IRS1: variants seen among roughly 807,000 people sequenced by gnomAD.
The protein encoded by IRS1 is insulin receptor substrate 1.
A neutral mutation model predicts 65.6 loss-of-function variants in IRS1; 34 were observed. The ratio of observed to expected loss-of-function variants is 0.52; its 90% CI spans 0.39 to 0.69. The LOEUF is 0.69. Among genes scored for constraint, IRS1 ranks in the 30% least tolerant of loss-of-function variants. The pLI is 0.00. For missense variants in IRS1, 1,641 were observed against 1,720.2 expected (o/e 0.95, Z 0.81); for synonymous variants, 699 against 683.5 (o/e 1.02, Z -0.35).
At position 226,733,219 on chromosome 2, in the gene IRS1, T is replaced by C. The variant is rs1395007807; in HGVS notation, c.*3053A>G. 5 of 152,120 alleles carry C rather than the reference T, an allele frequency of 3.3e-5. No homozygotes were observed. Among genetic ancestry groups the C allele is most frequent in the African/African-American group, 9.7e-5 (4 of 41,404 alleles). 9.4% of individuals were successfully genotyped at this position (152,120 alleles called of 1,614,324 possible). ...AAATTGTTTCTTAATACTTCAAATG[T>C]CTCAAATTTAAATGATAGCTAGAAG... On this transcript the variant is annotated 3_prime_UTR_variant, in exon 2 of 2. Transcript: ENST00000305123.
intron 1 of IRS1, among the ~76,000 whole-genome samples, chr2:226,787,532 C>T (rs963074583): frequency 6.6e-6 from 1 of 152,104 alleles, no homozygotes; most frequent in Admixed American, 6.5e-5. Flanking sequence ...ACCTTCATCC[C>T]CTTTCAATAA....
In IRS1 at chr2:226,743,159, G is replaced by GGAAAAAAAAAC. The variant is rs1938472797; in HGVS notation, c.*22-6920_*22-6910dup. On this transcript the variant is annotated intron_variant, in intron 1 of 1. Coordinates refer to ENST00000305123, the MANE Select transcript of IRS1 (RefSeq NM_005544.3). ...GACAGATTCAAGGTAAAAGGACTTA[G>GGAAAAAAAAAC]GAAAAAAAAACAAAAAAAAAAAGTC... 3.4e-5 allele frequency among the ~76,000 whole-genome samples: 5 copies of GGAAAAAAAAAC among 148,890 alleles called. No homozygotes were observed. In the South Asian group the frequency reaches 1.1e-3, roughly 31 times the overall value.
rs756485509 is a variant in IRS1, at chr2:226,797,828, C to T, written c.911G>A (p.Arg304His). 1.2e-6 allele frequency: 2 copies of T among 1,606,278 alleles called. No individual in the cohort carries two copies. The highest frequency in any genetic ancestry group is 1.7e-6 in the Non-Finnish European group (2 of 1,177,398). Reference protein sequence around the residue: ...PSQVGLTRRSRTESITATSPA... With the variant: ...PSQVGLTRRSHTESITATSPA... ...GGAGGTGGCGGTGATGCTCTCAGTG[C>T]GTGATCGGCGGGTCAGCCCCACCTG... The change falls in exon 1 of 2, where the codon CGC (arginine) becomes CAC (histidine). Residue 304 changes from arginine to histidine, a missense_variant. Physicochemically the swap from Arg to His is conservative, Grantham distance 29 (BLOSUM62 0). Transcript: ENST00000305123. This position sits in a 1 kb window ranked among gnomAD's most constrained non-coding sequence, Gnocchi z 8.1.
chr2:226,784,252 C>G (rs1939444298), intron 1 of IRS1, among the ~76,000 whole-genome samples: 1 of 152,096 alleles, frequency 6.6e-6, no homozygotes, highest in Non-Finnish European at 1.5e-5. Flanking sequence ...AACTCTTTAA[C>G]AGCTTTTTAA....
chr2:226,786,200 A>G (rs1939484376), intron 1 of IRS1, among the ~76,000 whole-genome samples: 1 of 150,838 alleles, frequency 6.6e-6, no homozygotes, highest in African/African-American at 2.4e-5. Context: ...GCCGCAGTAA[A>G]CATACGTGTG....
rs1465182258 is a variant in IRS1, at chr2:226,795,164, G to A, written c.3575C>T (p.Pro1192Leu). ...LDLVKDFKQC[P>L]QECTPEPQPP... ...CTGCGGTTCAGGGGTGCACTCCTGAGGGCACTGTTTGAAGTCCTTGACCAA... is the reference window on the plus strand; with the variant it reads ...CTGCGGTTCAGGGGTGCACTCCTGAAGGCACTGTTTGAAGTCCTTGACCAA... Residue 1192 changes from proline to leucine, a missense_variant, in exon 1 of 2, where the codon CCT becomes CTT. Coordinates refer to ENST00000305123, the MANE Select transcript of IRS1 (RefSeq NM_005544.3). 7.4e-6 allele frequency: 12 copies of A among 1,613,856 alleles called. No individual in the cohort carries two copies. Among genetic ancestry groups the A allele is most frequent in the Non-Finnish European group, 1.0e-5 (12 of 1,179,988 alleles).
Position 226,797,198 on chromosome 2 carries a change from G to T in IRS1, c.1541C>A (p.Ala514Asp). The T allele has an allele frequency of 6.2e-7, 1 of 1,613,848 alleles. No individual in the cohort carries two copies. The highest frequency in any genetic ancestry group is 8.5e-7 in the Non-Finnish European group (1 of 1,180,020). Reference protein sequence around the residue: ...PALAGDEAASAADLDNRFRKR... With the variant: ...PALAGDEAASDADLDNRFRKR... Reference sequence around the variant, plus strand: ...TCGGAACCGATTATCCAGATCTGCAGCACTGGCTGCTTCATCCCCAGCCAA... The same window carrying T: ...TCGGAACCGATTATCCAGATCTGCATCACTGGCTGCTTCATCCCCAGCCAA... Residue 514 changes from alanine (A) to aspartate (D), a missense_variant, in exon 1 of 2, where the codon GCT becomes GAT. Coordinates refer to ENST00000305123, the MANE Select transcript of IRS1 (RefSeq NM_005544.3). The surrounding 1 kb of genome is among the most constrained non-coding windows in gnomAD (Gnocchi z 8.1).
At chr2:226,737,132 C>T (rs1401130460) in intron 1 of IRS1, among the ~76,000 whole-genome samples, 1 of 141,828 alleles carries the variant, frequency 7.1e-6, no homozygotes, top group Non-Finnish European at 1.5e-5. Flanking sequence ...GTGATGTTCC[C>T]CTTCCTGCAT....
intron 1 of IRS1, among the ~76,000 whole-genome samples, chr2:226,779,630 C>T (rs1378035190): frequency 6.6e-6 from 1 of 152,198 alleles, no homozygotes; most frequent in Admixed American, 6.5e-5. Flanking sequence ...TATTACAGAT[C>T]TTGTGGAGTT....
At chr2:226,742,547 G>A (rs1157812960) in intron 1 of IRS1, among the ~76,000 whole-genome samples, 1 of 152,098 alleles carries the variant, frequency 6.6e-6, no homozygotes, top group Non-Finnish European at 1.5e-5. Flanking sequence ...CAAGGTTGCT[G>A]GCCAGATCTT....
At chr2:226,755,125 T>G (rs1369759523) in intron 1 of IRS1, among the ~76,000 whole-genome samples, 2 of 152,234 alleles carry the variant, frequency 1.3e-5, no homozygotes, top group Non-Finnish European at 2.9e-5. Context: ...CAGCTTTCCT[T>G]CGGTCCTTCC....
In IRS1 at chr2:226,794,301, AAT is replaced by A. The variant is rs1939665419; in HGVS notation, c.*21+686_*21+687del. Among the ~76,000 whole-genome samples, 1 of 152,202 alleles carries A rather than the reference AAT, an allele frequency of 6.6e-6. No individual in the cohort carries two copies. Among genetic ancestry groups the A allele is most frequent in the Non-Finnish European group, 1.5e-5 (1 of 68,036 alleles). On this transcript the variant is annotated intron_variant, in intron 1 of 1. Coordinates refer to ENST00000305123, the MANE Select transcript of IRS1 (RefSeq NM_005544.3). The surrounding 1 kb of genome is among the most constrained non-coding windows in gnomAD (Gnocchi z 4.1). ...TGGGATGGTGGGTCGGTGTGTGAAT[AAT>A]ATTTCACAAATCCTGGTACATGAAC...
intron 1 of IRS1, among the ~76,000 whole-genome samples, chr2:226,789,570 C>G (rs1015170638): frequency 3.3e-5 from 5 of 152,210 alleles, no homozygotes; most frequent in African/African-American, 1.2e-4. Flanking sequence ...GGCTGTCTCA[C>G]TGAAGAACAC....
intron 1 of IRS1, among the ~76,000 whole-genome samples, chr2:226,755,756 A>C (rs1358514158): frequency 1.3e-5 from 2 of 152,190 alleles, no homozygotes; most frequent in African/African-American, 4.8e-5. Flanking sequence ...AATACTGCTC[A>C]GCTCATTACT....
chr2:226,743,120 T>C (rs922704317), intron 1 of IRS1, among the ~76,000 whole-genome samples: 11 of 151,762 alleles, frequency 7.2e-5, no homozygotes, highest in Admixed American at 6.6e-4. Context: ...TACTATAGTT[T>C]GTCCTATGTA....
In IRS1 at chr2:226,796,381, A is replaced by T; in HGVS notation, c.2358T>A (p.His786Gln). 1 of 1,613,336 alleles carries T rather than the reference A, an allele frequency of 6.2e-7. No homozygotes were observed. Among genetic ancestry groups the T allele is most frequent in the Non-Finnish European group, 8.5e-7 (1 of 1,180,026 alleles). ...RPGEPEEGARHQHLRLSTSSG... is the reference protein window; with the variant it reads ...RPGEPEEGARQQHLRLSTSSG... The stretch of plus-strand genomic sequence containing the variant: ...AGCTAGTGGAAAGGCGGAGGTGCTG[A>T]TGCCGGGCACCCTCCTCCGGCTCCC... Residue 786 changes from histidine (H) to glutamine (Q), a missense_variant, in exon 1 of 2, where the codon CAT (histidine) becomes CAA (glutamine). By Grantham distance (24) the His-to-Gln change is conservative. Transcript: ENST00000305123.
At chr2:226,742,406 G>A (rs1262190000) in intron 1 of IRS1, among the ~76,000 whole-genome samples, 1 of 152,188 alleles carries the variant, frequency 6.6e-6, no homozygotes, top group East Asian at 1.9e-4. Flanking sequence ...GGATTGAGCT[G>A]GAAAGAACTT....
rs765846492 is a variant in IRS1 at position 226,795,402 on chromosome 2, C to G, written c.3337G>C (p.Val1113Leu). 2.5e-6 allele frequency: 4 copies of G among 1,613,462 alleles called. No homozygotes were observed. The South Asian group carries it at 4.4e-5, about 18-fold the overall frequency. Residue 1113 changes from valine (V) to leucine (L), a missense_variant, in exon 1 of 2, where the codon GTG becomes CTG. Val to Leu is a conservative substitution (Grantham distance 32, BLOSUM62 1). This residue lies in a region of IRS1 where 1,324 missense variants were observed against 1,361.0 expected (regional missense o/e 0.97). Transcript: ENST00000305123. ...TFSSTPSATR[V>L]GNTVPFGAGA... The stretch of plus-strand genomic sequence containing the variant: ...GCTCCAAAGGGCACTGTGTTGCCCA[C>G]CCGGGTGGCACTGGGTGTTGAGGAG...
intron 1 of IRS1, among the ~76,000 whole-genome samples, chr2:226,741,659 A>G (rs959929032): frequency 2.0e-5 from 3 of 152,006 alleles, no homozygotes; most frequent in East Asian, 1.9e-4. Context: ...CAGTTACCTC[A>G]CTGCTGATAC....
Sources: gnomAD v4.1 joint callset for allele counts (sites outside exome capture counted in the v4.1 genomes callset) on GRCh38, gnomAD v4.1.1 for gene constraint, gnomAD v4.1.1 regional missense constraint, Gnocchi (gnomAD v3.1) non-coding constraint, MANE v1.5 for transcripts, NCBI Gene and HGNC (gene_info 2026-07-23, HGNC 2026-07-21) for gene names.